Variants in B3GALT1 observed in about 807,000 individuals in gnomAD.
The protein encoded by B3GALT1 is UDP-Gal:betaGlcNAc beta 1,3-galactosyltransferase, polypeptide 1.
In B3GALT1, 10 loss-of-function variants were observed where a neutral mutation model predicts 23.2. The observed-to-expected ratio is 0.43, with a 90% CI of 0.27 to 0.73. B3GALT1 has a LOEUF of 0.73. Ranked by LOEUF, B3GALT1 falls within the 30% of genes least tolerant of loss-of-function variation. The pLI, the probability that B3GALT1 is intolerant of heterozygous loss-of-function variation, is 0.21. For missense variants in B3GALT1, 299 were observed against 405.4 expected, an observed-to-expected ratio of 0.74 and a Z score of 2.25; for synonymous variants, 156 against 141.5, an observed-to-expected ratio of 1.10 and a Z score of -0.73.
intron 1 of B3GALT1, among the ~76,000 whole-genome samples, chr2:167,481,850 CA>C (rs1425240754): frequency 1.3e-5 from 2 of 152,098 alleles, no homozygotes; most frequent in African/African-American, 2.4e-5. Context: ...GTTACATGCC[CA>C]AAAGAGTTAT....
intron 2 of B3GALT1, among the ~76,000 whole-genome samples, chr2:167,632,825 C>G (rs1685474339): frequency 6.6e-6 from 1 of 151,984 alleles, no homozygotes; most frequent in African/African-American, 2.4e-5. Context: ...TCAATTTTGG[C>G]TTTTGTTGCC....
At chr2:167,294,096 G>A (rs929721421) in intron 1 of B3GALT1, among the ~76,000 whole-genome samples, 8 of 152,206 alleles carry the variant, frequency 5.3e-5, no homozygotes, top group Admixed American at 5.2e-4. Flanking sequence ...TGGTGGCGGC[G>A]TAGGGCGCAG....
chr2:167,452,312 A>G (rs894674838), intron 1 of B3GALT1, among the ~76,000 whole-genome samples: 6 of 151,794 alleles, frequency 4.0e-5, no homozygotes, highest in African/African-American at 1.5e-4. Flanking sequence ...CTCCCCAAGG[A>G]CCTCTGTGGG....
chr2:167,645,384 A>T (rs1384550658), intron 2 of B3GALT1, among the ~76,000 whole-genome samples: 3 of 152,124 alleles, frequency 2.0e-5, no homozygotes, highest in African/African-American at 4.8e-5. Flanking sequence ...TGATGCAGAC[A>T]AGATAAAATA....
intron 3 of B3GALT1, among the ~76,000 whole-genome samples, chr2:167,764,967 C>T (rs1027302876): frequency 3.9e-5 from 6 of 152,172 alleles, no homozygotes; most frequent in African/African-American, 9.6e-5. Context: ...GCTGGCACTC[C>T]CTGCCTTAAA....
chr2:167,794,954 T>G (rs1404571884), intron 3 of B3GALT1, among the ~76,000 whole-genome samples: 1 of 152,220 alleles, frequency 6.6e-6, no homozygotes, highest in East Asian at 1.9e-4. Context: ...TGAAATTATA[T>G]ATGGATGTAT....
At chr2:167,811,627 GT>G (rs923899487) in intron 3 of B3GALT1, among the ~76,000 whole-genome samples, 1 of 151,074 alleles carries the variant, frequency 6.6e-6, no homozygotes. Context: ...TCTCATTGAT[GT>G]TTGCAAAATA....
At chr2:167,639,162 C>G (rs901955532) in intron 2 of B3GALT1, among the ~76,000 whole-genome samples, 1 of 151,780 alleles carries the variant, frequency 6.6e-6, no homozygotes, top group Non-Finnish European at 1.5e-5. Flanking sequence ...ACATTGTCTC[C>G]GGAAGAAATA....
At chr2:167,743,513 T>C (rs1009551705) in intron 3 of B3GALT1, among the ~76,000 whole-genome samples, 16 of 152,138 alleles carry the variant, frequency 1.1e-4, no homozygotes, top group African/African-American at 3.4e-4. Context: ...TTTCTTTTCT[T>C]GTAAGATATG....
At chr2:167,596,065 C>G (rs1684768724) in intron 2 of B3GALT1, among the ~76,000 whole-genome samples, 1 of 152,216 alleles carries the variant, frequency 6.6e-6, no homozygotes, top group South Asian at 2.1e-4. Context: ...TGTGCACTTA[C>G]AGATTGGTCT....
intron 1 of B3GALT1, among the ~76,000 whole-genome samples, chr2:167,346,757 GGTGCGTGTGTGTGTGT>G (rs1267982820): frequency 1.3e-5 from 2 of 148,632 alleles, no homozygotes; most frequent in Non-Finnish European, 3.0e-5. Context: ...GGGGGGGGGT[GGTGCGTGTGTGTGTGT>G]GTGCGTGTGT....
chr2:167,439,257 A>G (rs1698839251), intron 1 of B3GALT1, among the ~76,000 whole-genome samples: 1 of 152,150 alleles, frequency 6.6e-6, no homozygotes, highest in East Asian at 1.9e-4. Flanking sequence ...TATACTTTAA[A>G]TTTATGTTGT....
At chr2:167,860,437 A>T (rs1690076504) in intron 4 of B3GALT1, among the ~76,000 whole-genome samples, 4 of 151,366 alleles carry the variant, frequency 2.6e-5, no homozygotes, top group Admixed American at 2.0e-4. Context: ...TGTTGGGTTT[A>T]TTTTTTTTCA....
intron 3 of B3GALT1, among the ~76,000 whole-genome samples, chr2:167,707,930 A>T (rs1686989680): frequency 6.6e-6 from 1 of 152,244 alleles, no homozygotes; most frequent in African/African-American, 2.4e-5. Context: ...CCATTGAGAC[A>T]TAAATAAAAT....
intron 1 of B3GALT1, among the ~76,000 whole-genome samples, chr2:167,400,474 TC>T (rs1375987162): frequency 6.6e-6 from 1 of 152,120 alleles, no homozygotes; most frequent in African/African-American, 2.4e-5. Context: ...TTATGTTTTA[TC>T]CATCAGCACA....
intron 1 of B3GALT1, among the ~76,000 whole-genome samples, chr2:167,363,209 C>T (rs1697525179): frequency 6.6e-6 from 1 of 151,386 alleles, no homozygotes; most frequent in African/African-American, 2.4e-5. Context: ...GCCACCGCAC[C>T]CAGGAGCATT....
rs1685207511 is a variant in B3GALT1, at chr2:167,618,855, C to G, written c.-409-28054C>G. On this transcript the variant is annotated intron_variant, in intron 2 of 4. Transcript: ENST00000392690. ...TGTATCCTTCTTAGTGCATCAAGAA[C>G]CAAATTATATCTTTTTCCTTTCCTG... Among the ~76,000 whole-genome samples, 4 of 151,988 alleles carry G rather than the reference C, an allele frequency of 2.6e-5. No homozygotes were observed. The South Asian group carries it at 8.3e-4, about 32-fold the overall frequency.
intron 1 of B3GALT1, among the ~76,000 whole-genome samples, chr2:167,439,959 A>G (rs1035028191): frequency 6.6e-6 from 1 of 151,952 alleles, no homozygotes; most frequent in African/African-American, 2.4e-5. Flanking sequence ...AGTTAAATAC[A>G]TTTTCCTGAA....
chr2:167,413,490 A>G (rs1698422491), intron 1 of B3GALT1, among the ~76,000 whole-genome samples: 1 of 152,046 alleles, frequency 6.6e-6, no homozygotes, highest in African/African-American at 2.4e-5. Flanking sequence ...TTTTAAATTC[A>G]TAAATTACTT....
Sources: gnomAD v4.1 joint callset for allele counts (sites outside exome capture counted in the v4.1 genomes callset) on GRCh38, gnomAD v4.1.1 for gene constraint, MANE v1.5 for transcripts, NCBI Gene and HGNC (gene_info 2026-07-23, HGNC 2026-07-21) for gene names.